SGIP1: variants seen among roughly 807,000 people sequenced by gnomAD.
SGIP1 encodes the protein SH3-containing GRB2-like protein 3-interacting protein 1.
Under a neutral mutation model 107.5 loss-of-function variants are expected in SGIP1, and 38 were observed. That is an observed-to-expected ratio of 0.35 (90% CI 0.27 to 0.46). The LOEUF is 0.46. SGIP1 is among the 20% of genes least tolerant of loss of function. The pLI is 1.00. For synonymous variants in SGIP1, 365 were observed against 366.1 expected (o/e 1.00, Z 0.03); for missense variants, 929 against 1,019.5 (o/e 0.91, Z 1.21).
intron 1 of SGIP1, among the ~76,000 whole-genome samples, chr1:66,607,358 C>T (rs542565405): frequency 6.6e-6 from 1 of 152,306 alleles, no homozygotes; most frequent in South Asian, 2.1e-4. Context: ...ATAAATAAAA[C>T]CTGCTAGACA....
At chr1:66,643,473 C>A in intron 6 of SGIP1, 71 bp from the exon 7 acceptor site, 1 of 1,291,658 alleles carries the variant, frequency 7.7e-7, no homozygotes, top group Non-Finnish European at 1.1e-6. Flanking sequence ...TCTCTATATG[C>A]AATTGCTCTT....
chr1:66,709,874 A>T (rs1547644), intron 18 of SGIP1, among the ~76,000 whole-genome samples: 1 of 151,986 alleles, frequency 6.6e-6, no homozygotes, highest in South Asian at 2.1e-4. Context: ...TCGTAGCATT[A>T]TTATTAATTA....
At chr1:66,670,886 C>T in intron 9 of SGIP1, 109 bp from the exon 10 acceptor site, 1 of 501,972 alleles carries the variant, frequency 2.0e-6, no homozygotes, top group South Asian at 6.2e-5. Context: ...AGTTCATTTC[C>T]CTATCTGCAT....
At chr1:66,614,809 C>CTTTTTTTTTTT (rs10707091) in intron 1 of SGIP1, among the ~76,000 whole-genome samples, 2 of 59,388 alleles carry the variant, frequency 3.4e-5, no homozygotes, top group Non-Finnish European at 6.0e-5. Context: ...TTCCAGCTGT[C>CTTTTTTTTTTT]TTTTTTTTTT....
intron 6 of SGIP1, 53 bp from the exon 7 acceptor site, chr1:66,643,491 A>C: frequency 6.7e-7 from 1 of 1,488,336 alleles, no homozygotes; most frequent in Non-Finnish European, 9.1e-7. Flanking sequence ...CTTGTCTTGG[A>C]GTCGTTGCCT....
At chr1:66,597,466 T>C (rs2064934380) in intron 1 of SGIP1, among the ~76,000 whole-genome samples, 1 of 152,206 alleles carries the variant, frequency 6.6e-6, no homozygotes, top group African/African-American at 2.4e-5. Flanking sequence ...GGTGCTTTTG[T>C]CCCCTTAAAA....
rs2074333806 is a variant in SGIP1 at position 66,630,902 on chromosome 1, AGAAGGGAGGGAGGGAGGGAGGAAG to A, written c.75-2162_75-2139del. Among the ~76,000 whole-genome samples, 3 of 6,530 alleles carry A rather than the reference AGAAGGGAGGGAGGGAGGGAGGAAG, an allele frequency of 4.6e-4. No homozygotes were observed. In the East Asian group the frequency reaches 0.035, roughly 76 times the overall value. 4.3% of individuals were successfully genotyped at this position (6,530 alleles called of 152,430 possible). ...AAGAAAGAAAGAAAGAAAGAAAGAA[AGAAGGGAGGGAGGGAGGGAGGAAG>A]GAAGGAAGGAAAGAAAGAGAGAAAG... is the stretch of plus-strand genomic sequence containing the variant. On this transcript the variant is annotated intron_variant, in intron 2 of 24. Transcript: ENST00000371037.
chr1:66,634,200 C>T lies in SGIP1; in HGVS notation c.99+1106C>T, dbSNP rs770245497. ...TTCTGTGTCTCTTCTTTGCTTCCGGCTTGGTCCCCTCCCTGGGTTCTCTGG... is the reference window on the plus strand; with the variant it reads ...TTCTGTGTCTCTTCTTTGCTTCCGGTTTGGTCCCCTCCCTGGGTTCTCTGG... On this transcript the variant is annotated intron_variant, in intron 3 of 24. Coordinates refer to ENST00000371037, the MANE Select transcript of SGIP1 (RefSeq NM_032291.4). 15 of 1,556,698 alleles carry T rather than the reference C, an allele frequency of 9.6e-6. No individual in the cohort carries two copies. In the East Asian group the frequency reaches 2.7e-4, roughly 28 times the overall value.
At chr1:66,534,762 G>A (rs1049055894) in intron 1 of SGIP1, among the ~76,000 whole-genome samples, 1 of 152,208 alleles carries the variant, frequency 6.6e-6, no homozygotes, top group African/African-American at 2.4e-5. Context: ...ACATTAGACA[G>A]GAGAGGTCAT....
In SGIP1 at chr1:66,733,848, A is replaced by G. The variant is rs997866413; in HGVS notation, c.1999A>G (p.Thr667Ala). 3 of 1,613,322 alleles carry G rather than the reference A, an allele frequency of 1.9e-6. No individual in the cohort carries two copies. Among genetic ancestry groups the G allele is most frequent in the African/African-American group, 2.7e-5 (2 of 74,908 alleles). ...AGTGTCTGAACAAAAACCCCAGGCTACATATTATAACGTTGACATGCTCAA... is the reference window on the plus strand; with the variant it reads ...AGTGTCTGAACAAAAACCCCAGGCTGCATATTATAACGTTGACATGCTCAA... Reference protein sequence around the residue: ...KKVSEQKPQATYYNVDMLKYQ... With the variant: ...KKVSEQKPQAAYYNVDMLKYQ... The change falls in exon 21 of 25, where the codon ACA becomes GCA. Residue 667 changes from threonine (T) to alanine (A), a missense_variant. By Grantham distance (58) the Thr-to-Ala change is moderately conservative (BLOSUM62 0). This residue lies in a region of SGIP1 where 341 missense variants were observed against 430.9 expected (regional missense o/e 0.79). Transcript: ENST00000371037.
At chr1:66,577,977 G>T (rs575763722) in intron 1 of SGIP1, among the ~76,000 whole-genome samples, 3 of 152,022 alleles carry the variant, frequency 2.0e-5, no homozygotes, top group Non-Finnish European at 2.9e-5. Context: ...ATGAATCATT[G>T]CTCTATTAAA....
intron 1 of SGIP1, among the ~76,000 whole-genome samples, chr1:66,539,273 G>GA (rs1461864388): frequency 5.3e-5 from 8 of 152,152 alleles, no homozygotes; most frequent in African/African-American, 1.9e-4. Flanking sequence ...GTAAAAGCAG[G>GA]AAAAAGTACG....
intron 18 of SGIP1, among the ~76,000 whole-genome samples, chr1:66,713,403 G>A (rs1238013618): frequency 6.6e-6 from 1 of 152,004 alleles, no homozygotes; most frequent in Non-Finnish European, 1.5e-5. Context: ...GAGTTACTTT[G>A]GGCTAGAGAT....
At chr1:66,602,889 T>C (rs2066136058) in intron 1 of SGIP1, among the ~76,000 whole-genome samples, 1 of 152,190 alleles carries the variant, frequency 6.6e-6, no homozygotes, top group African/African-American at 2.4e-5. Context: ...TTTACATAAA[T>C]TTTTAGAAAT....
chr1:66,534,112 G>A, upstream of SGIP1: 1 of 587,404 alleles, frequency 1.7e-6, no homozygotes, highest in Non-Finnish European at 3.0e-6. Context: ...CGCAGGCGGT[G>A]CAGCTCGGCC....
intron 8 of SGIP1, among the ~76,000 whole-genome samples, chr1:66,663,621 C>T (rs1207342992): frequency 1.3e-5 from 2 of 152,066 alleles, no homozygotes; most frequent in South Asian, 4.2e-4. Context: ...CTTTCTGGGT[C>T]TGTACTTTGC....
chr1:66,707,567 A>G (rs945819953), intron 18 of SGIP1, among the ~76,000 whole-genome samples: 1 of 152,212 alleles, frequency 6.6e-6, no homozygotes, highest in Non-Finnish European at 1.5e-5. Flanking sequence ...TTTGACAGAT[A>G]CAGTTATAGC....
At chr1:66,583,690 C>T (rs572942203) in intron 1 of SGIP1, among the ~76,000 whole-genome samples, 3 of 152,084 alleles carry the variant, frequency 2.0e-5, no homozygotes, top group Non-Finnish European at 2.9e-5. Context: ...CTCCTACATC[C>T]GAATTAGTAG....
intron 1 of SGIP1, among the ~76,000 whole-genome samples, chr1:66,589,130 A>G (rs2063143306): frequency 7.5e-6 from 1 of 132,882 alleles, no homozygotes; most frequent in Non-Finnish European, 1.6e-5. Context: ...GATTCCTAAT[A>G]CCTACATGGT....
Sources: gnomAD v4.1 joint callset for allele counts (sites outside exome capture counted in the v4.1 genomes callset) on GRCh38, gnomAD v4.1.1 for gene constraint, gnomAD v4.1.1 regional missense constraint, MANE v1.5 for transcripts, NCBI Gene and HGNC (gene_info 2026-07-23, HGNC 2026-07-21) for gene names.